The following POU2AF1 variants were observed in gnomAD, a reference collection of about 807,000 sequenced individuals.
POU2AF1 encodes POU class 2 homeobox associating factor 1.
POU2AF1 carries 12 observed loss-of-function variants against 26.3 expected under a neutral mutation model. That is an observed-to-expected ratio of 0.46 (90% confidence interval 0.29 to 0.74). The LOEUF (loss-of-function observed/expected upper bound fraction) is 0.74. Ranked by LOEUF, POU2AF1 falls within the 30% of genes least tolerant of loss-of-function variation. The probability of loss-of-function intolerance (pLI) is 0.09; values close to 1 mark genes in which losing one functional copy is unlikely to be tolerated. For missense variants in POU2AF1, 297 were observed against 334.5 expected (o/e 0.89, Z 0.87); for synonymous variants, 175 against 148.0 (o/e 1.18, Z -1.32).
At chr11:111,373,661 C>T (rs903175928) in intron 1 of POU2AF1, among the ~76,000 whole-genome samples, 4 of 152,210 alleles carry the variant, frequency 2.6e-5, no homozygotes, top group African/African-American at 7.2e-5. Context: ...AGCACTAGAA[C>T]ATTTGAGACC....
intron 1 of POU2AF1, among the ~76,000 whole-genome samples, chr11:111,365,350 G>T (rs117719838): frequency 1.3e-5 from 2 of 152,254 alleles, no homozygotes; most frequent in East Asian, 3.9e-4. Flanking sequence ...AAGTCACTTG[G>T]TCAATTTTTT....
intron 1 of POU2AF1, among the ~76,000 whole-genome samples, chr11:111,362,218 A>G (rs1861023978): frequency 6.6e-6 from 1 of 152,226 alleles, no homozygotes; most frequent in Non-Finnish European, 1.5e-5. Flanking sequence ...TGGGGTACAC[A>G]AGATATTTGG....
intron 4 of POU2AF1, among the ~76,000 whole-genome samples, chr11:111,355,731 G>A (rs1860831753): frequency 6.6e-6 from 1 of 152,142 alleles, no homozygotes; most frequent in South Asian, 2.1e-4. Context: ...GCTTTAGGGT[G>A]TTTTTGCACA....
chr11:111,364,884 C>T (rs1243131866), intron 1 of POU2AF1, among the ~76,000 whole-genome samples: 1 of 152,202 alleles, frequency 6.6e-6, no homozygotes, highest in African/African-American at 2.4e-5. Context: ...TCTGGAATTG[C>T]CCATCTGATC....
intron 1 of POU2AF1, chr11:111,363,564 G>T: frequency 1.3e-6 from 1 of 789,912 alleles, no homozygotes; most frequent in Non-Finnish European, 1.6e-6. Context: ...AATCACGGTT[G>T]CCTCACCTTG....
rs535815680 is a variant in POU2AF1 at position 111,365,033 on chromosome 11, A to C, written c.17-6115T>G. ...CAAAGACAGCCTTATGAAAAACAGA[A>C]CTTTTCCTGAGACCATCATGTAAGG... is the stretch of plus-strand genomic sequence containing the variant. On this transcript the variant is annotated intron_variant, in intron 1 of 4. Transcript: ENST00000393067. Among the ~76,000 whole-genome samples, 4 of 152,282 alleles carry C rather than the reference A, an allele frequency of 2.6e-5. No homozygotes were observed. In the East Asian group the frequency reaches 7.7e-4, roughly 29 times the overall value.
intron 1 of POU2AF1, among the ~76,000 whole-genome samples, chr11:111,378,841 G>C (rs146754423): frequency 6.6e-6 from 1 of 152,298 alleles, no homozygotes; most frequent in Non-Finnish European, 1.5e-5. Flanking sequence ...TCTGGCTTTT[G>C]TTGTGTGAAT....
intron 1 of POU2AF1, chr11:111,363,244 C>T: frequency 2.0e-6 from 2 of 1,020,412 alleles, no homozygotes; most frequent in Non-Finnish European, 2.4e-6. Flanking sequence ...CGGCACGTGT[C>T]CACAGCCAGC....
intron 1 of POU2AF1, among the ~76,000 whole-genome samples, chr11:111,365,960 G>T (rs1439618424): frequency 6.6e-6 from 1 of 152,224 alleles, no homozygotes; most frequent in Non-Finnish European, 1.5e-5. Context: ...TTGGCTAAAG[G>T]ATTATTCACA....
At chr11:111,362,310 A>G (rs1178535423) in intron 1 of POU2AF1, among the ~76,000 whole-genome samples, 5 of 152,214 alleles carry the variant, frequency 3.3e-5, no homozygotes. Context: ...TCTTTGTGTT[A>G]TAAACAATCC....
At chr11:111,362,586 T>G (rs61896828) in intron 1 of POU2AF1, among the ~76,000 whole-genome samples, 7,064 of 152,342 alleles carry the variant, frequency 0.046, 231 homozygotes, top group Middle Eastern at 0.092. Context: ...TGTGCCTGGC[T>G]TATTCCCTTC....
intron 1 of POU2AF1, among the ~76,000 whole-genome samples, chr11:111,374,116 A>ATTT (rs60260380): frequency 0.031 from 3,350 of 109,596 alleles, 127 homozygotes; most frequent in African/African-American, 0.06. Flanking sequence ...GGCAAACTTG[A>ATTT]TTTTTTTTTT....
chr11:111,354,774 G>A (rs1435765124), intron 4 of POU2AF1, among the ~76,000 whole-genome samples, 199 bp from the exon 5 acceptor site: 2 of 152,066 alleles, frequency 1.3e-5, no homozygotes, highest in Non-Finnish European at 2.9e-5. Flanking sequence ...CCCCAATCCT[G>A]ACCCTTCCTA....
chr11:111,364,647 A>G (rs1269852675), intron 1 of POU2AF1, among the ~76,000 whole-genome samples: 8 of 152,242 alleles, frequency 5.3e-5, no homozygotes. Context: ...GTGACGTCCC[A>G]TGAGCTGCCA....
At chr11:111,363,065 G>A (rs1299474606) in intron 1 of POU2AF1, 4 of 888,758 alleles carry the variant, frequency 4.5e-6, no homozygotes, top group Non-Finnish European at 5.4e-6. Context: ...GCTTGGTGGA[G>A]GTGCTGTGGA....
At chr11:111,359,025 A>G (rs1860953246) in intron 1 of POU2AF1, 107 bp from the exon 2 acceptor site, 1 of 1,480,946 alleles carries the variant, frequency 6.8e-7, no homozygotes, top group Admixed American at 2.3e-5. Context: ...TCGTGCTTGA[A>G]CACGGAGAAC....
At chr11:111,356,767 T>C (rs947040160) in intron 4 of POU2AF1, among the ~76,000 whole-genome samples, 3 of 152,210 alleles carry the variant, frequency 2.0e-5, no homozygotes, top group African/African-American at 7.2e-5. Flanking sequence ...CCAGACACTG[T>C]GCTAAGCCCT....
intron 1 of POU2AF1, among the ~76,000 whole-genome samples, chr11:111,365,216 C>T (rs1041077724): frequency 9.2e-5 from 14 of 152,218 alleles, no homozygotes; most frequent in African/African-American, 2.4e-4. Flanking sequence ...ACATCACGGC[C>T]GGTCAAGAGG....
rs924178741 is a variant in POU2AF1, at chr11:111,363,890, C to G, written c.17-4972G>C. The G allele has an allele frequency of 8.1e-6, 8 of 985,386 alleles. No homozygotes were observed. In the African/African-American group the frequency reaches 1.4e-4, roughly 17 times the overall value. 61.0% of individuals were successfully genotyped at this position (985,386 alleles called of 1,614,324 possible). On this transcript the variant is annotated intron_variant, in intron 1 of 4. Transcript: ENST00000393067. The stretch of plus-strand genomic sequence containing the variant: ...CTCCCGTAGGTATCCAAGAGTCCAT[C>G]ACGGAGGAAAATCTTTCCACCTTAG...
Sources: gnomAD v4.1 joint callset for allele counts (sites outside exome capture counted in the v4.1 genomes callset) on GRCh38, gnomAD v4.1.1 for gene constraint, MANE v1.5 for transcripts, NCBI Gene and HGNC (gene_info 2026-07-23, HGNC 2026-07-21) for gene names.